The following PLEKHG4 variants were observed in gnomAD, a reference collection of about 807,000 sequenced individuals.
PLEKHG4 encodes pleckstrin homology and RhoGEF domain containing G4.
A neutral mutation model predicts 136.9 loss-of-function variants in PLEKHG4; 85 were observed. That is an observed-to-expected ratio of 0.62 (90% CI 0.52 to 0.74). The LOEUF is 0.74. Among genes scored for constraint, PLEKHG4 ranks in the 30% least tolerant of loss-of-function variants. The probability of loss-of-function intolerance (pLI) is 0.00; values close to 1 mark genes in which losing one functional copy is unlikely to be tolerated. For missense variants in PLEKHG4, 1,317 were observed against 1,527.8 expected (o/e 0.86, Z 2.30); for synonymous variants, 577 against 646.9 (o/e 0.89, Z 1.64).
Position 67,287,005 on chromosome 16 carries a change from A to C in PLEKHG4, c.2931A>C (p.Ala977=), listed in dbSNP as rs778305805. ...TFAYKRSFKM[A]DLGLTECCGN... ...CTCTCTCCCGCTGGCCACAGATGGC[A>C]GACCTTGGTCTCACTGAGTGCTGTG... The change falls in exon 18 of 22, where the codon GCA becomes GCC. Residue 977 remains alanine, a synonymous_variant. Coordinates refer to ENST00000379344, the MANE Select transcript of PLEKHG4 (RefSeq NM_001129729.3). 1 of 1,613,168 alleles carries C rather than the reference A, an allele frequency of 6.2e-7. No homozygotes were observed. The highest frequency in any genetic ancestry group is 2.2e-5 in the East Asian group (1 of 44,876).
Position 67,281,163 on chromosome 16 carries a change from C to T in PLEKHG4, c.792C>T (p.Phe264=), listed in dbSNP as rs140748514. 7.4e-6 allele frequency: 12 copies of T among 1,613,266 alleles called. No homozygotes were observed. The African/African-American group carries it at 9.4e-5, about 13-fold the overall frequency. ...ARICAPSSSL[F]SGLSQLQEAA... is the part of the protein sequence containing the mutation. ...TTTGTGCTCCAAGTTCTTCCCTCTT[C>T]TCTGGGCTCAGCCAACTACAAGTGA... Residue 264 remains phenylalanine (F), a synonymous_variant, in exon 5 of 22, where the codon TTC becomes TTT. Transcript: ENST00000379344.
In PLEKHG4 at chr16:67,284,995, T is replaced by C. The variant is rs1567438058; in HGVS notation, c.1975T>C (p.Cys659Arg). ...ACCGGTGGGCAGCACAGCTAGCCTG[T>C]GTGTCAGCCAGGTCCCCGCTGCACC... ...LPPVGSTASLCVSQVPAAPAH... is the reference protein window; with the variant it reads ...LPPVGSTASLRVSQVPAAPAH... Residue 659 changes from cysteine to arginine, a missense_variant, in exon 13 of 22, where the codon TGT becomes CGT. Physicochemically the swap from Cys to Arg is radical, Grantham distance 180 (BLOSUM62 -3). Coordinates refer to ENST00000379344, the MANE Select transcript of PLEKHG4 (RefSeq NM_001129729.3). The surrounding 1 kb of genome is among the most constrained non-coding windows in gnomAD (Gnocchi z 4.4). The C allele has an allele frequency of 6.8e-6, 11 of 1,613,396 alleles. No individual in the cohort carries two copies. Among genetic ancestry groups the C allele is most frequent in the African/African-American group, 1.3e-5 (1 of 74,934 alleles).
Position 67,285,196 on chromosome 16 carries a change from G to A in PLEKHG4, c.2176G>A (p.Asp726Asn), listed in dbSNP as rs2036413006. ...SPTVPPPGSS[D>N]PRSLNRLQLV... ...TACTGTGCCTCCACCAGGCAGCTCT[G>A]ACCCCAGGAGCCTCAACAGGTATGG... Residue 726 changes from aspartate (D) to asparagine (N), a missense_variant, in exon 13 of 22, where the codon GAC (aspartate) becomes AAC (asparagine). Transcript: ENST00000379344. 6.2e-7 allele frequency: 1 copy of A among 1,613,640 alleles called. No homozygotes were observed. Among genetic ancestry groups the A allele is most frequent in the Non-Finnish European group, 8.5e-7 (1 of 1,179,992 alleles).
In PLEKHG4 at chr16:67,284,566, C is replaced by G. The variant is rs2036376646; in HGVS notation, c.1692+109C>G. On this transcript the variant is annotated intron_variant, in intron 12 of 21. Coordinates refer to ENST00000379344, the MANE Select transcript of PLEKHG4 (RefSeq NM_001129729.3). The surrounding 1 kb of genome is among the most constrained non-coding windows in gnomAD (Gnocchi z 4.4). Reference sequence around the variant, plus strand: ...TTGGTCATGCTGCCTGTTCTCTTCCCTGGTCTTCAGTTTGACCCTAAAACC... The same window carrying G: ...TTGGTCATGCTGCCTGTTCTCTTCCGTGGTCTTCAGTTTGACCCTAAAACC... 1 of 1,470,384 alleles carries G rather than the reference C, an allele frequency of 6.8e-7. No individual in the cohort carries two copies. The highest frequency in any genetic ancestry group is 1.2e-5 in the South Asian group (1 of 85,052). 91.1% of individuals were successfully genotyped at this position (1,470,384 alleles called of 1,614,324 possible). A position where few individuals can be genotyped will look rare whatever the true frequency, so the allele number is the denominator to read the frequency against.
intron 15 of PLEKHG4, 40 bp downstream of exon 15, chr16:67,286,403 G>A (rs1017973969): frequency 5.0e-6 from 8 of 1,609,124 alleles, no homozygotes; most frequent in African/African-American, 1.3e-5. Flanking sequence ...GGGATGCGGG[G>A]AGTGCCCCCA....
rs17680862 is a variant in PLEKHG4, at chr16:67,288,215, G to C, written c.3269G>C (p.Ser1090Thr). ...GCCGTAGCCCCGTTTGACCATGACA[G>C]CCTCTACCTGGGGGCCTCGAACTCC... ...SIAVAPFDHD[S>T]LYLGASNSLP... Residue 1090 changes from serine (S) to threonine (T), a missense_variant, in exon 20 of 22, where the codon AGC (serine) becomes ACC (threonine). Ser to Thr is a moderately conservative substitution (Grantham distance 58). Transcript: ENST00000379344. 0.03 allele frequency: 47,677 copies of C among 1,613,958 alleles called. 1,048 individuals carry two copies. Among genetic ancestry groups the C allele is most frequent in the South Asian group, 0.066 (6,046 of 91,072 alleles).
rs769606008 is a variant in PLEKHG4 at position 67,282,364 on chromosome 16, G to A, written c.1253+15G>A. On this transcript the variant is annotated intron_variant, in intron 9 of 21. Coordinates refer to ENST00000379344, the MANE Select transcript of PLEKHG4 (RefSeq NM_001129729.3). The stretch of plus-strand genomic sequence containing the variant: ...CCAGACTACAGGTGAGTGCAAGCCC[G>A]GCCCCCAGATCTTGCCCCAGCCCAC... 1.1e-5 allele frequency: 18 copies of A among 1,610,712 alleles called. No individual in the cohort carries two copies. The highest frequency in any genetic ancestry group is 1.4e-5 in the Non-Finnish European group (16 of 1,178,936).
rs769238724 is a variant in PLEKHG4, at chr16:67,287,903, C to T, written c.3109C>T (p.Arg1037Cys). ...WRQAVHNKEV[R>C]MAEMVSMGVG... ...TATGTCCACTCTCCACCCAGAGGTG[C>T]GCATGGCTGAGATGGTGTCCATGGG... The change falls in exon 19 of 22, where the codon CGC (arginine) becomes TGC (cysteine). Residue 1037 changes from arginine (R) to cysteine (C), a missense_variant. Arg to Cys is a radical substitution (Grantham distance 180, BLOSUM62 -3). Coordinates refer to ENST00000379344, the MANE Select transcript of PLEKHG4 (RefSeq NM_001129729.3). The T allele has an allele frequency of 7.5e-6, 12 of 1,607,222 alleles. No homozygotes were observed. Among genetic ancestry groups the T allele is most frequent in the African/African-American group, 1.3e-5 (1 of 74,768 alleles).
At position 67,288,803 on chromosome 16, in the gene PLEKHG4, G is replaced by A. The variant is rs756011671; in HGVS notation, c.3571G>A (p.Val1191Ile). 1 of 1,613,798 alleles carries A rather than the reference G, an allele frequency of 6.2e-7. No individual in the cohort carries two copies. The highest frequency in any genetic ancestry group is 1.1e-5 in the South Asian group (1 of 90,980). ...LGRGLEDLPC[V>I] Reference sequence around the variant, plus strand: ...ATTCATGCCTGGCCTGGCCCTGCAGGTCTGAGCCCGGGACTGGACGAGCAG... The same window carrying A: ...ATTCATGCCTGGCCTGGCCCTGCAGATCTGAGCCCGGGACTGGACGAGCAG... The change falls in exon 22 of 22, where the codon GTC becomes ATC. Residue 1191 changes from valine to isoleucine, a missense_variant and splice_region_variant. By Grantham distance (29) the Val-to-Ile change is conservative. Transcript: ENST00000379344.
chr16:67,288,736 A>G lies in PLEKHG4; in HGVS notation c.3571-67A>G, dbSNP rs1597389249. On this transcript the variant is annotated intron_variant, in intron 21 of 21. Transcript: ENST00000379344. ...AGCTTGGGGTGGGTGGGCCAGAGCCATTCCCCAGACACCTCCTGGGTCCAG... is the reference window on the plus strand; with the variant it reads ...AGCTTGGGGTGGGTGGGCCAGAGCCGTTCCCCAGACACCTCCTGGGTCCAG... 5.0e-6 allele frequency: 8 copies of G among 1,607,830 alleles called. 1 individual carries two copies. In the South Asian group the frequency reaches 6.6e-5, roughly 13 times the overall value.
chr16:67,286,878 C>T lies in PLEKHG4; in HGVS notation c.2884C>T (p.Pro962Ser). The change falls in exon 17 of 22, where the codon CCC becomes TCC. Residue 962 changes from proline (P) to serine (S), a missense_variant. Physicochemically the swap from Pro to Ser is moderately conservative, Grantham distance 74. Transcript: ENST00000379344. Reference sequence around the variant, plus strand: ...GCTCTTCAGCAAGCCTCGCCATGGGCCCACAGGGGTTGACACATTTGCCTA... The same window carrying T: ...GCTCTTCAGCAAGCCTCGCCATGGGTCCACAGGGGTTGACACATTTGCCTA... ...LLLFSKPRHG[P>S]TGVDTFAYKR... 6.2e-7 allele frequency: 1 copy of T among 1,614,018 alleles called. No individual in the cohort carries two copies. Among genetic ancestry groups the T allele is most frequent in the Non-Finnish European group, 8.5e-7 (1 of 1,179,990 alleles).
rs1406220075 is a variant in PLEKHG4 at position 67,281,077 on chromosome 16, G to A, written c.720-14G>A. ...ACTGGGAGTCAGGTACTGAACTGAA[G>A]CTCACCCCTTTAGGCCCGAAGTACA... On this transcript the variant is annotated splice_polypyrimidine_tract_variant and intron_variant, in intron 4 of 21. Coordinates refer to ENST00000379344, the MANE Select transcript of PLEKHG4 (RefSeq NM_001129729.3). The A allele has an allele frequency of 1.2e-6, 2 of 1,613,902 alleles. No homozygotes were observed. Among genetic ancestry groups the A allele is most frequent in the Admixed American group, 3.3e-5 (2 of 60,002 alleles).
intron 11 of PLEKHG4, 122 bp downstream of exon 11, chr16:67,282,980 A>T: frequency 1.3e-6 from 1 of 763,332 alleles, no homozygotes; most frequent in South Asian, 1.5e-5. Flanking sequence ...CCCATAGAAG[A>T]TATCAGTTGT....
In PLEKHG4 at chr16:67,288,329, C is replaced by T. The variant is rs775556288; in HGVS notation, c.3383C>T (p.Pro1128Leu). 1.3e-5 allele frequency: 21 copies of T among 1,612,106 alleles called. No homozygotes were observed. Among genetic ancestry groups the T allele is most frequent in the East Asian group, 2.2e-5 (1 of 44,890 alleles). ...CCAGCTCTTCTGGGTCTCCGCTGTC[C>T]CCTGTATCCCAGCTTCCCAGAGGAA... ...RDPALLGLRCPLYPSFPEEAA... is the reference protein window; with the variant it reads ...RDPALLGLRCLLYPSFPEEAA... Residue 1128 changes from proline to leucine, a missense_variant, in exon 20 of 22, where the codon CCC becomes CTC. Physicochemically the swap from Pro to Leu is moderately conservative, Grantham distance 98. Coordinates refer to ENST00000379344, the MANE Select transcript of PLEKHG4 (RefSeq NM_001129729.3).
chr16:67,282,317 G>T lies in PLEKHG4; in HGVS notation c.1221G>T (p.Glu407Asp), dbSNP rs1413879690. 2 of 1,612,996 alleles carry T rather than the reference G, an allele frequency of 1.2e-6. No homozygotes were observed. Among genetic ancestry groups the T allele is most frequent in the Admixed American group, 3.3e-5 (2 of 59,998 alleles). ...GGGAGCTGACATGGCTGAAGCAAGAGGTCCCAGAGGTGACCCTGAGCCCAG... is the reference window on the plus strand; with the variant it reads ...GGGAGCTGACATGGCTGAAGCAAGATGTCCCAGAGGTGACCCTGAGCCCAG... ...GGRELTWLKQ[E>D]VPEVTLSPDY... Residue 407 changes from glutamate to aspartate, a missense_variant, in exon 9 of 22, where the codon GAG becomes GAT. Coordinates refer to ENST00000379344, the MANE Select transcript of PLEKHG4 (RefSeq NM_001129729.3).
chr16:67,285,872 A>G (rs2036445660), intron 14 of PLEKHG4, among the ~76,000 whole-genome samples: 1 of 152,164 alleles, frequency 6.6e-6, no homozygotes, highest in East Asian at 1.9e-4. Context: ...GCTGAGGAAT[A>G]GGGGAGGGGC....
Position 67,281,094 on chromosome 16 carries a change from C to T in PLEKHG4, c.723C>T (p.Pro241=), listed in dbSNP as rs535977084. The change falls in exon 5 of 22, where the codon CCC becomes CCT. Residue 241 remains proline, a synonymous_variant. Coordinates refer to ENST00000379344, the MANE Select transcript of PLEKHG4 (RefSeq NM_001129729.3). ...LLLYLRSIPR[P]EVQALGLTVL... is the part of the protein sequence containing the mutation. ...GAACTGAAGCTCACCCCTTTAGGCC[C>T]GAAGTACAGGCACTGGGACTGACAG... is the stretch of plus-strand genomic sequence containing the variant. 39 of 1,613,896 alleles carry T rather than the reference C, an allele frequency of 2.4e-5. No individual in the cohort carries two copies. Among genetic ancestry groups the T allele is most frequent in the Admixed American group, 3.3e-5 (2 of 60,000 alleles).
In PLEKHG4 at chr16:67,281,090, G is replaced by A; in HGVS notation, c.720-1G>A. 1.2e-6 allele frequency: 2 copies of A among 1,614,106 alleles called. No individual in the cohort carries two copies. The highest frequency in any genetic ancestry group is 2.7e-5 in the African/African-American group (2 of 75,022). On this transcript the variant is annotated splice_acceptor_variant, in intron 4 of 21. Coordinates refer to ENST00000379344, the MANE Select transcript of PLEKHG4 (RefSeq NM_001129729.3). LOFTEE classifies it high-confidence loss of function. ...TACTGAACTGAAGCTCACCCCTTTA[G>A]GCCCGAAGTACAGGCACTGGGACTG... is the stretch of plus-strand genomic sequence containing the variant.
chr16:67,281,107 C>T lies in PLEKHG4; in HGVS notation c.736C>T (p.Leu246=), dbSNP rs559572262. Residue 246 remains leucine (L), a synonymous_variant, in exon 5 of 22, where the codon CTG becomes TTG. Coordinates refer to ENST00000379344, the MANE Select transcript of PLEKHG4 (RefSeq NM_001129729.3). ...CCCCTTTAGGCCCGAAGTACAGGCA[C>T]TGGGACTGACAGTGCTAGTTGATGC... The part of the protein sequence containing the change: ...RSIPRPEVQA[L]GLTVLVDARI... The T allele has an allele frequency of 4.6e-5, 74 of 1,614,118 alleles. No homozygotes were observed. The Middle Eastern group carries it at 4.9e-4, about 11-fold the overall frequency.
Sources: allele counts gnomAD v4.1 joint callset (sites outside exome capture counted in the v4.1 genomes callset), GRCh38; gene constraint gnomAD v4.1.1; non-coding constraint Gnocchi (gnomAD v3.1); transcripts MANE v1.5; gene names NCBI Gene and HGNC (gene_info 2026-07-23, HGNC 2026-07-21).